The following SAMD5 variants were observed in gnomAD, a reference collection of about 807,000 sequenced individuals.
The protein encoded by SAMD5 is sterile alpha motif domain containing 5.
In SAMD5, 13 loss-of-function variants were observed where a neutral mutation model predicts 11.3. The observed-to-expected ratio is 1.15, with a 90% confidence interval of 0.75 to 1.83. The LOEUF is 1.83. Among genes scored for constraint, SAMD5 ranks in the 40% most tolerant of loss-of-function variants. SAMD5 has a pLI of 0.00. For missense variants in SAMD5, 255 were observed against 239.1 expected (o/e 1.07, Z -0.44); for synonymous variants, 129 against 111.3 (o/e 1.16, Z -1.00).
intron 1 of SAMD5, among the ~76,000 whole-genome samples, chr6:147,685,131 T>C (rs1790991139): frequency 6.6e-6 from 1 of 152,244 alleles, no homozygotes. Flanking sequence ...CAGATTTATA[T>C]GGCTTATTCC....
At chr6:147,657,160 C>T (rs1790582970) in intron 1 of SAMD5, among the ~76,000 whole-genome samples, 1 of 152,028 alleles carries the variant, frequency 6.6e-6, no homozygotes, top group African/African-American at 2.4e-5. Flanking sequence ...TATAAGGAAG[C>T]TACGTACTTT....
At chr6:147,697,715 A>G (rs1791196443) in intron 1 of SAMD5, among the ~76,000 whole-genome samples, 1 of 152,224 alleles carries the variant, frequency 6.6e-6, no homozygotes, top group Non-Finnish European at 1.5e-5. Flanking sequence ...GGAAACAATC[A>G]TGATGAATGA....
chr6:147,803,417 G>T, the SAMD5 span, among the ~76,000 whole-genome samples: 1 of 152,074 alleles, frequency 6.6e-6, no homozygotes, highest in East Asian at 1.9e-4. Context: ...CAATGTTCCT[G>T]CCTCTAGTCA....
chr6:147,886,558 A>C, the SAMD5 span, among the ~76,000 whole-genome samples: 1 of 152,028 alleles, frequency 6.6e-6, no homozygotes, highest in African/African-American at 2.4e-5. Context: ...AACCAACGGA[A>C]TAGGGCAAAG....
the SAMD5 span, among the ~76,000 whole-genome samples, chr6:147,818,335 C>A: frequency 3.3e-5 from 5 of 152,154 alleles, no homozygotes; most frequent in African/African-American, 9.7e-5. Flanking sequence ...CATGAGGAAA[C>A]TTTTGGGAAA....
rs577048627 is a variant in SAMD5, at chr6:147,721,669, A to C, written c.163-15648A>C. ...TAGGTTGCCTGTTTACTCTGATGGT[A>C]GTTTCTTTTGCTGTGCAGAAGCTCT... is the stretch of plus-strand genomic sequence containing the variant. On this transcript the variant is annotated intron_variant, in intron 1 of 1. Transcript: ENST00000566741. 4.7e-3 allele frequency among the ~76,000 whole-genome samples: 713 copies of C among 152,250 alleles called. 6 individuals carry two copies. The highest frequency in any genetic ancestry group is 0.017 in the African/African-American group (703 of 41,562).
intron 1 of SAMD5, among the ~76,000 whole-genome samples, chr6:147,719,283 C>CT (rs991070151): frequency 6.6e-6 from 1 of 152,046 alleles, no homozygotes; most frequent in African/African-American, 2.4e-5. Context: ...ATGAGTACTT[C>CT]TTTTTTTTCT....
chr6:147,547,459 T>G (rs1334893982), intron 1 of SAMD5, among the ~76,000 whole-genome samples: 1 of 123,920 alleles, frequency 8.1e-6, no homozygotes, highest in Admixed American at 9.0e-5. Context: ...TTTGCTTTGC[T>G]GGCTGTTAGC....
chr6:147,821,143 A>T, the SAMD5 span, among the ~76,000 whole-genome samples: 1 of 152,268 alleles, frequency 6.6e-6, no homozygotes, highest in African/African-American at 2.4e-5. Flanking sequence ...CTTAAGCAAC[A>T]GATGCAATAT....
chr6:147,918,473 A>G, the SAMD5 span, among the ~76,000 whole-genome samples: 5 of 152,138 alleles, frequency 3.3e-5, no homozygotes, highest in African/African-American at 7.2e-5. Context: ...CCTATTCAAC[A>G]TAGTGTTGGA....
At chr6:147,903,643 C>T in the SAMD5 span, among the ~76,000 whole-genome samples, 2 of 152,164 alleles carry the variant, frequency 1.3e-5, no homozygotes, top group Admixed American at 6.5e-5. Context: ...GGTGCGGTGG[C>T]TCACGGCTAT....
chr6:147,619,178 C>A (rs990209607), intron 1 of SAMD5, among the ~76,000 whole-genome samples: 5 of 152,168 alleles, frequency 3.3e-5, no homozygotes, highest in Non-Finnish European at 5.9e-5. Flanking sequence ...GTGACGTGCA[C>A]AAGACATCTT....
At chr6:147,928,372 A>G in the SAMD5 span, among the ~76,000 whole-genome samples, 83 of 152,218 alleles carry the variant, frequency 5.5e-4, no homozygotes, top group African/African-American at 1.9e-3. Flanking sequence ...CAGGGAATCA[A>G]TTTCCTCCTG....
At chr6:147,660,696 C>G (rs1021821532) in intron 1 of SAMD5, 1 of 152,334 alleles carries the variant, frequency 6.6e-6, no homozygotes, top group Non-Finnish European at 1.5e-5. Context: ...GCTCCTCCCC[C>G]GCCCTTCTCT....
At chr6:147,555,998 T>G (rs1308494885) in intron 1 of SAMD5, among the ~76,000 whole-genome samples, 1 of 152,206 alleles carries the variant, frequency 6.6e-6, no homozygotes, top group Non-Finnish European at 1.5e-5. Context: ...TGCACAAATG[T>G]AAAACAATGC....
At chr6:147,639,343 A>C (rs1426504228) in intron 1 of SAMD5, among the ~76,000 whole-genome samples, 1 of 152,244 alleles carries the variant, frequency 6.6e-6, no homozygotes, top group Admixed American at 6.5e-5. Flanking sequence ...CATGTATCCA[A>C]GATAGGATAT....
At chr6:147,809,428 G>C in the SAMD5 span, among the ~76,000 whole-genome samples, 9 of 151,934 alleles carry the variant, frequency 5.9e-5, no homozygotes, top group African/African-American at 1.9e-4. Flanking sequence ...TTCAGCCATG[G>C]GCACTCCATG....
chr6:147,905,185 G>T, the SAMD5 span, among the ~76,000 whole-genome samples: 1 of 151,796 alleles, frequency 6.6e-6, no homozygotes, highest in Non-Finnish European at 1.5e-5. Flanking sequence ...ACTGCGCCCG[G>T]CCTTTTTTTT....
At chr6:147,716,105 T>A (rs1438525019) in intron 1 of SAMD5, among the ~76,000 whole-genome samples, 1 of 152,110 alleles carries the variant, frequency 6.6e-6, no homozygotes, top group East Asian at 1.9e-4. Flanking sequence ...CCTGTCTGCC[T>A]CCTGCCGCCA....
Sources: gnomAD v4.1 joint callset for allele counts (sites outside exome capture counted in the v4.1 genomes callset) on GRCh38, gnomAD v4.1.1 for gene constraint, MANE v1.5 for transcripts, NCBI Gene and HGNC (gene_info 2026-07-23, HGNC 2026-07-21) for gene names.